The following MDN1 variants were observed in gnomAD, a reference collection of about 807,000 sequenced individuals.
MDN1 encodes midasin AAA ATPase 1, also known as midasin.
Under a neutral mutation model 669.2 loss-of-function variants are expected in MDN1, and 266 were observed. The observed-to-expected ratio is 0.40, with a 90% CI of 0.36 to 0.44. The LOEUF (loss-of-function observed/expected upper bound fraction) is 0.44, where lower values mean the gene tolerates loss of function less well. Ranked by LOEUF, MDN1 falls within the 20% of genes least tolerant of loss-of-function variation. The pLI is 1.00. For synonymous variants in MDN1, 2,385 were observed against 2,457.1 expected, an observed-to-expected ratio of 0.97 and a Z score of 0.87; for missense variants, 5,940 against 6,754.0, an observed-to-expected ratio of 0.88 and a Z score of 4.22.
At chr6:89,699,096 G>GTCT (rs1197394981) in intron 58 of MDN1, 61 bp from the exon 59 acceptor site, 1 of 1,429,470 alleles carries the variant, frequency 7.0e-7, no homozygotes, top group Non-Finnish European at 9.6e-7. Context: ...AAATTATTAG[G>GTCT]TCTTCTTTCT....
At chr6:89,776,369 G>C (rs559514375) in intron 12 of MDN1, among the ~76,000 whole-genome samples, 1 of 152,288 alleles carries the variant, frequency 6.6e-6, no homozygotes, top group East Asian at 1.9e-4. Context: ...GCTGACGCAG[G>C]AGAATCACTT....
intron 58 of MDN1, 125 bp downstream of exon 58, chr6:89,699,475 CA>C (rs554492491): frequency 6.3e-5 from 70 of 1,119,334 alleles, no homozygotes; most frequent in Non-Finnish European, 7.7e-5. Flanking sequence ...AGAGGCAATT[CA>C]AAAAAACCTG....
At chr6:89,646,498 A>T in intron 100 of MDN1, 42 bp downstream of exon 100, 1 of 1,580,434 alleles carries the variant, frequency 6.3e-7, no homozygotes. Flanking sequence ...TATAGAGTAC[A>T]AGAAAGCATT....
At chr6:89,727,632 T>C (rs545123406) in intron 37 of MDN1, among the ~76,000 whole-genome samples, 1 of 152,338 alleles carries the variant, frequency 6.6e-6, no homozygotes, top group Non-Finnish European at 1.5e-5. Context: ...TTGTAGGTTT[T>C]ATGTACAAGG....
chr6:89,799,410 C>T (rs1240333780), intron 2 of MDN1, among the ~76,000 whole-genome samples: 3 of 152,348 alleles, frequency 2.0e-5, no homozygotes, highest in South Asian at 2.1e-4. Flanking sequence ...TTGGGCCGGG[C>T]GCAGTGGCTC....
chr6:89,798,497 C>T (rs951031626), intron 2 of MDN1, among the ~76,000 whole-genome samples: 12 of 148,662 alleles, frequency 8.1e-5, no homozygotes. Context: ...AGTGAAACTC[C>T]ATCTCAAAAA....
At chr6:89,702,383 C>G (rs1813220086) in intron 53 of MDN1, among the ~76,000 whole-genome samples, 1 of 152,256 alleles carries the variant, frequency 6.6e-6, no homozygotes, top group South Asian at 2.1e-4. Flanking sequence ...TCCAAAGCAG[C>G]TGTACCATTT....
intron 1 of MDN1, among the ~76,000 whole-genome samples, chr6:89,809,117 T>C (rs1271014568): frequency 6.9e-6 from 1 of 145,810 alleles, no homozygotes; most frequent in African/African-American, 2.6e-5. Flanking sequence ...CCAGGGAGGC[T>C]GAGGCGGCAG....
intron 2 of MDN1, among the ~76,000 whole-genome samples, chr6:89,798,201 AAG>A (rs1819714960): frequency 1.3e-5 from 2 of 150,260 alleles, no homozygotes; most frequent in Non-Finnish European, 3.0e-5. Context: ...AAAAAAAAAA[AAG>A]AAAGAAAGTC....
In MDN1 at chr6:89,819,682, C is replaced by T; in HGVS notation, c.-75G>A. 1 of 1,271,000 alleles carries T rather than the reference C, an allele frequency of 7.9e-7. No individual in the cohort carries two copies. Among genetic ancestry groups the T allele is most frequent in the Non-Finnish European group, 1.1e-6 (1 of 884,360 alleles). The allele number at this position is 1,271,000 out of a possible 1,614,324, so 78.7% of individuals were successfully genotyped here. A position where few individuals can be genotyped will look rare whatever the true frequency, so the allele number is the denominator to read the frequency against. ...CCAGCGTCCCCAAGCCGCCGAGGTC[C>T]CAGTGCCCGAGCAGCCAGCAACTAC... On this transcript the variant is annotated 5_prime_UTR_variant, in exon 1 of 102. Coordinates refer to ENST00000369393, the MANE Select transcript of MDN1 (RefSeq NM_014611.3).
intron 2 of MDN1, 25 bp from the exon 3 acceptor site, chr6:89,794,826 T>A (rs1194899671): frequency 1.9e-6 from 3 of 1,589,140 alleles, no homozygotes; most frequent in South Asian, 2.2e-5. Flanking sequence ...AATACAGACA[T>A]CCCCAACTTA....
At chr6:89,744,898 A>G (rs1816512775) in intron 29 of MDN1, among the ~76,000 whole-genome samples, 1 of 152,018 alleles carries the variant, frequency 6.6e-6, no homozygotes, top group African/African-American at 2.4e-5. Context: ...TAATAATAAT[A>G]AAGCCATTAT....
At chr6:89,676,993 T>C (rs185694624) in intron 76 of MDN1, among the ~76,000 whole-genome samples, 22 of 82,670 alleles carry the variant, frequency 2.7e-4, no homozygotes, top group East Asian at 6.6e-4. Flanking sequence ...ATGAAGCAAG[T>C]AGACCTCAGG....
Position 89,793,884 on chromosome 6 carries a change from A to T in MDN1, c.733T>A (p.Trp245Arg). 1 of 1,614,112 alleles carries T rather than the reference A, an allele frequency of 6.2e-7. No individual in the cohort carries two copies. Among genetic ancestry groups the T allele is most frequent in the Non-Finnish European group, 8.5e-7 (1 of 1,179,948 alleles). Residue 245 changes from tryptophan to arginine, a missense_variant, in exon 5 of 102, where the codon TGG becomes AGG. By Grantham distance (101) the Trp-to-Arg change is moderately radical (BLOSUM62 -3). Transcript: ENST00000369393. ...TACTGCAGCTCCTTCTGCTTACGCC[A>T]AAGGGAGACTTCTGGATTGGCCAAA... Reference protein sequence around the residue: ...LVLANPEVSLWRKQKELQYLQ... With the variant: ...LVLANPEVSLRRKQKELQYLQ...
rs967442287 is a variant in MDN1 at position 89,793,695 on chromosome 6, C to T, written c.855+67G>A. 28 of 1,365,768 alleles carry T rather than the reference C, an allele frequency of 2.1e-5. No individual in the cohort carries two copies. The African/African-American group carries it at 3.9e-4, about 19-fold the overall frequency. 84.6% of individuals were successfully genotyped at this position (1,365,768 alleles called of 1,614,324 possible). On this transcript the variant is annotated intron_variant, in intron 5 of 101. Transcript: ENST00000369393. ...TCACACCTGGTACATAGAACCCAGC[C>T]AAAGACAGAGCACACTCAGTGTTTA...
At chr6:89,658,525 T>C (rs1202903925) in intron 89 of MDN1, 85 bp downstream of exon 89, 7 of 1,534,516 alleles carry the variant, frequency 4.6e-6, no homozygotes, top group Admixed American at 1.9e-5. Context: ...TGGAGGAGTA[T>C]CCTAAAAGGG....
At chr6:89,707,578 T>A (rs1004319301) in intron 51 of MDN1, 102 bp from the exon 52 acceptor site, 11 of 737,430 alleles carry the variant, frequency 1.5e-5, no homozygotes, top group South Asian at 3.1e-5. Context: ...GGGTCCTTCA[T>A]CCTGCCATTC....
At chr6:89,797,576 G>A in intron 2 of MDN1, 1 of 396,640 alleles carries the variant, frequency 2.5e-6, no homozygotes, top group Non-Finnish European at 5.0e-6. Context: ...GGCCAGTACA[G>A]TAGTAGCAGT....
chr6:89,702,136 C>A lies in MDN1; in HGVS notation c.8149-75G>T, dbSNP rs564453273. 2.1e-6 allele frequency: 3 copies of A among 1,413,102 alleles called. No homozygotes were observed. In the East Asian group the frequency reaches 7.1e-5, roughly 34 times the overall value. 87.5% of individuals were successfully genotyped at this position (1,413,102 alleles called of 1,614,324 possible). ...AGAAGAAAAATAAAAACAAAGTGAA[C>A]CAAGACTGCTCACCAACATCTCCCG... On this transcript the variant is annotated intron_variant, in intron 53 of 101. Transcript: ENST00000369393.
Sources: allele counts gnomAD v4.1 joint callset (sites outside exome capture counted in the v4.1 genomes callset), GRCh38; gene constraint gnomAD v4.1.1; transcripts MANE v1.5; gene names NCBI Gene and HGNC (gene_info 2026-07-23, HGNC 2026-07-21).